DOCK1: variants seen among roughly 807,000 people sequenced by gnomAD.
The protein encoded by DOCK1 is dedicator of cytokinesis 1.
In DOCK1, 138 loss-of-function variants were observed where a neutral mutation model predicts 262.7. The ratio of observed to expected loss-of-function variants is 0.53; its 90% CI spans 0.46 to 0.61. The LOEUF (loss-of-function observed/expected upper bound fraction) is 0.61. DOCK1 is among the 20% of genes least tolerant of loss of function. The pLI, the probability that DOCK1 is intolerant of heterozygous loss-of-function variation, is 0.00. For synonymous variants in DOCK1, 866 were observed against 867.4 expected, an observed-to-expected ratio of 1.00 and a Z score of 0.03; for missense variants, 1,908 against 2,370.7, an observed-to-expected ratio of 0.80 and a Z score of 4.05.
chr10:127,241,680 G>C (rs899217412), intron 27 of DOCK1, among the ~76,000 whole-genome samples: 2 of 152,130 alleles, frequency 1.3e-5, no homozygotes, highest in Non-Finnish European at 2.9e-5. Flanking sequence ...AGGTTAGGAG[G>C]GGTTAGTTTA....
chr10:127,178,981 T>C (rs900263157), intron 27 of DOCK1, among the ~76,000 whole-genome samples: 9 of 152,176 alleles, frequency 5.9e-5, no homozygotes, highest in African/African-American at 2.2e-4. Flanking sequence ...TTTAACTGCC[T>C]TTGTTGTCCA....
At chr10:127,267,643 G>A (rs1418094562) in intron 29 of DOCK1, among the ~76,000 whole-genome samples, 2 of 152,202 alleles carry the variant, frequency 1.3e-5, no homozygotes, top group Non-Finnish European at 2.9e-5. Context: ...GGGAGTGCCT[G>A]GCTGGTACTG....
intron 21 of DOCK1, among the ~76,000 whole-genome samples, chr10:127,050,202 G>T (rs56031648): frequency 6.6e-6 from 1 of 150,650 alleles, no homozygotes; most frequent in Non-Finnish European, 1.5e-5. Flanking sequence ...TGGAATTCCT[G>T]GTGTCAAAGG....
At chr10:127,185,520 A>G (rs917419603) in intron 27 of DOCK1, among the ~76,000 whole-genome samples, 1 of 152,212 alleles carries the variant, frequency 6.6e-6, no homozygotes, top group Admixed American at 6.5e-5. Flanking sequence ...AACACTATAC[A>G]TCACAGTATC....
chr10:127,116,416 G>C (rs982607985), intron 25 of DOCK1, among the ~76,000 whole-genome samples: 32 of 152,134 alleles, frequency 2.1e-4, no homozygotes, highest in African/African-American at 7.5e-4. Context: ...AGTTACAGCA[G>C]CCCTTTGAAA....
At chr10:127,032,031 A>G in intron 17 of DOCK1, 106 bp from the exon 18 acceptor site, 2 of 1,363,774 alleles carry the variant, frequency 1.5e-6, no homozygotes, top group Non-Finnish European at 2.0e-6. Context: ...AATATGATAC[A>G]AAGCAATTAC....
chr10:127,381,195 GA>G (rs2065806127), intron 36 of DOCK1, 82 bp from the exon 37 acceptor site: 1 of 1,191,156 alleles, frequency 8.4e-7, no homozygotes, highest in Non-Finnish European at 1.2e-6. Flanking sequence ...ATTTACTGTT[GA>G]ACATAGAATT....
chr10:127,067,057 A>G (rs546949845), intron 23 of DOCK1, among the ~76,000 whole-genome samples: 3 of 152,368 alleles, frequency 2.0e-5, no homozygotes, highest in African/African-American at 7.2e-5. Flanking sequence ...AGATGCCGAC[A>G]TTATCCCTGG....
chr10:127,443,914 C>T (rs189198552), intron 49 of DOCK1, among the ~76,000 whole-genome samples: 304 of 152,100 alleles, frequency 2.0e-3, no homozygotes, highest in Non-Finnish European at 3.0e-3. Context: ...TCCCCCGGTC[C>T]CCCATTCCTT....
intron 35 of DOCK1, among the ~76,000 whole-genome samples, chr10:127,378,841 G>A (rs574446131): frequency 2.0e-5 from 3 of 152,320 alleles, no homozygotes; most frequent in East Asian, 1.9e-4. Context: ...TTACTGAGCC[G>A]TGTCATATGA....
chr10:127,049,968 C>CTTTTTTTT (rs71941085), intron 21 of DOCK1, among the ~76,000 whole-genome samples: 3 of 100,080 alleles, frequency 3.0e-5, no homozygotes, highest in African/African-American at 3.9e-5. Flanking sequence ...AAACTGGCCT[C>CTTTTTTTT]TTTTTTTTTT....
chr10:127,111,218 G>T (rs898560942), intron 25 of DOCK1, among the ~76,000 whole-genome samples: 6 of 152,270 alleles, frequency 3.9e-5, no homozygotes, highest in Admixed American at 2.6e-4. Context: ...CTTCTGGGAT[G>T]CGAATTTTAA....
chr10:126,921,070 C>T (rs1020714653), intron 1 of DOCK1, among the ~76,000 whole-genome samples: 22 of 151,998 alleles, frequency 1.4e-4, no homozygotes, highest in East Asian at 9.7e-4. Context: ...CGTGGTGGTT[C>T]GCACCTGTAA....
chr10:127,422,685 T>G (rs1004420711), intron 46 of DOCK1, among the ~76,000 whole-genome samples: 2 of 152,228 alleles, frequency 1.3e-5, no homozygotes, highest in Non-Finnish European at 2.9e-5. Context: ...GTAAGCCTCA[T>G]GTAGACAGTC....
chr10:126,973,184 A>G (rs1230921157), intron 2 of DOCK1, among the ~76,000 whole-genome samples: 1 of 151,062 alleles, frequency 6.6e-6, no homozygotes, highest in South Asian at 2.1e-4. Context: ...GCCTGTGGAG[A>G]CTGCATTTTT....
chr10:127,098,245 T>C (rs1439870522), intron 23 of DOCK1, among the ~76,000 whole-genome samples: 1 of 152,224 alleles, frequency 6.6e-6, no homozygotes, highest in Non-Finnish European at 1.5e-5. Flanking sequence ...AGGAAAAATC[T>C]TCAATGTCCT....
chr10:127,137,024 T>C (rs1196004925), intron 27 of DOCK1: 1 of 152,656 alleles, frequency 6.6e-6, no homozygotes, highest in Admixed American at 6.5e-5. Flanking sequence ...GAATGTATTA[T>C]TTGGCCTTTG....
chr10:126,987,653 TAG>T (rs2039504481), intron 5 of DOCK1, 36 bp downstream of exon 5: 11 of 1,510,608 alleles, frequency 7.3e-6, no homozygotes, highest in Non-Finnish European at 9.9e-6. Context: ...AGCTTAGAAA[TAG>T]AGAGTGGGCT....
At chr10:127,242,810 G>A (rs539703761) in intron 27 of DOCK1, among the ~76,000 whole-genome samples, 4 of 152,066 alleles carry the variant, frequency 2.6e-5, no homozygotes, top group South Asian at 2.1e-4. Context: ...GTGAAAACAC[G>A]GTTAAACTTT....
Sources: allele counts gnomAD v4.1 joint callset (sites outside exome capture counted in the v4.1 genomes callset), GRCh38; gene constraint gnomAD v4.1.1; transcripts MANE v1.5; gene names NCBI Gene and HGNC (gene_info 2026-07-23, HGNC 2026-07-21).